CACNG4: variants seen among roughly 807,000 people sequenced by gnomAD.
The protein encoded by CACNG4 is voltage-dependent calcium channel gamma-4 subunit.
In CACNG4, 8 loss-of-function variants were observed where a neutral mutation model predicts 22.9. The observed-to-expected ratio is 0.35, with a 90% CI of 0.21 to 0.63. The LOEUF is 0.63. Among genes scored for constraint, CACNG4 ranks in the 30% least tolerant of loss-of-function variants. CACNG4 has a pLI of 0.72. For synonymous variants in CACNG4, 188 were observed against 191.9 expected (o/e 0.98, Z 0.17); for missense variants, 357 against 455.4 (o/e 0.78, Z 1.97).
chr17:66,996,961 G>T (rs760268127), intron 1 of CACNG4, among the ~76,000 whole-genome samples: 5 of 152,176 alleles, frequency 3.3e-5, no homozygotes, highest in Non-Finnish European at 7.3e-5. Context: ...AACAGCCCAA[G>T]CTAGAAGATG....
rs2035511143 is a variant in CACNG4 at position 67,018,109 on chromosome 17, CAT to C, written c.221-79_221-78del. ...CAGGACCTGCACAGAGGCTCACACACATGGCAACCGTGTCTGGAGTGAACGGA... is the reference window on the plus strand; with the variant it reads ...CAGGACCTGCACAGAGGCTCACACACGGCAACCGTGTCTGGAGTGAACGGA... On this transcript the variant is annotated intron_variant, in intron 1 of 3. Coordinates refer to ENST00000262138, the MANE Select transcript of CACNG4 (RefSeq NM_014405.4). 3 of 1,086,010 alleles carry C rather than the reference CAT, an allele frequency of 2.8e-6. No individual in the cohort carries two copies. In the Admixed American group the frequency reaches 5.2e-5, roughly 19 times the overall value. 67.3% of individuals were successfully genotyped at this position (1,086,010 alleles called of 1,614,324 possible). A position where few individuals can be genotyped will look rare whatever the true frequency, so the allele number is the denominator to read the frequency against.
intron 1 of CACNG4, among the ~76,000 whole-genome samples, chr17:66,978,327 G>T (rs1279017159): frequency 6.6e-6 from 1 of 150,654 alleles, no homozygotes; most frequent in Non-Finnish European, 1.5e-5. Flanking sequence ...GGCATAACAT[G>T]TGTTCAATGC....
At chr17:67,026,381 T>G (rs550255670) in intron 3 of CACNG4, among the ~76,000 whole-genome samples, 1 of 150,430 alleles carries the variant, frequency 6.6e-6, no homozygotes, top group South Asian at 2.1e-4. Flanking sequence ...GAATGTGGTG[T>G]GTGTGTGTAT....
rs182081913 is a variant in CACNG4, at chr17:66,991,148, G to A, written c.220+26017G>A. On this transcript the variant is annotated intron_variant, in intron 1 of 3. Coordinates refer to ENST00000262138, the MANE Select transcript of CACNG4 (RefSeq NM_014405.4). ...CTCCAGCACAGAGGAAAACACAGGT[G>A]GGTGGTGCAGGTGGAAGGCACCTGG... Among the ~76,000 whole-genome samples, 174 of 152,120 alleles carry A rather than the reference G, an allele frequency of 1.1e-3. 1 individual carries two copies. Among genetic ancestry groups the A allele is most frequent in the Middle Eastern group, 6.8e-3 (2 of 294 alleles).
intron 1 of CACNG4, among the ~76,000 whole-genome samples, chr17:66,975,663 G>T (rs1159777684): frequency 6.6e-6 from 1 of 152,066 alleles, no homozygotes; most frequent in Non-Finnish European, 1.5e-5. Flanking sequence ...CCCAAATTTT[G>T]TAAGCTGCCC....
chr17:67,021,136 G>A (rs1201194131), intron 2 of CACNG4, among the ~76,000 whole-genome samples: 1 of 152,114 alleles, frequency 6.6e-6, no homozygotes, highest in Non-Finnish European at 1.5e-5. Flanking sequence ...AGGAAGTTGA[G>A]GCTGCAGTGA....
intron 2 of CACNG4, 29 bp downstream of exon 2, chr17:67,018,301 T>C (rs1489640584): frequency 6.3e-7 from 1 of 1,574,932 alleles, no homozygotes; most frequent in South Asian, 1.1e-5. Context: ...GGACTCTCTT[T>C]CTGTGGGGAG....
At chr17:67,014,918 C>G (rs138867527) in intron 1 of CACNG4, among the ~76,000 whole-genome samples, 44 of 141,386 alleles carry the variant, frequency 3.1e-4, no homozygotes, top group African/African-American at 1.2e-3. Flanking sequence ...GCCTGGGCGA[C>G]AGAGCGAGAC....
At position 66,984,423 on chromosome 17, in the gene CACNG4, A is replaced by G. The variant is rs1598106461; in HGVS notation, c.220+19292A>G. ...GGTCTGGGATGACAAAGACTCACAG[A>G]TGGCCTGCCACCAGCCTGCACCCGC... On this transcript the variant is annotated intron_variant, in intron 1 of 3. Transcript: ENST00000262138. This position sits in a 1 kb window ranked among gnomAD's most constrained non-coding sequence, Gnocchi z 4.0. Among the ~76,000 whole-genome samples, 1 of 152,190 alleles carries G rather than the reference A, an allele frequency of 6.6e-6. No individual in the cohort carries two copies. Among genetic ancestry groups the G allele is most frequent in the African/African-American group, 2.4e-5 (1 of 41,444 alleles).
rs559898261 is a variant in CACNG4, at chr17:66,998,710, G to A, written c.221-19479G>A. Among the ~76,000 whole-genome samples, 114 of 152,312 alleles carry A rather than the reference G, an allele frequency of 7.5e-4. 2 individuals carry two copies. The highest frequency in any genetic ancestry group is 2.3e-3 in the African/African-American group (95 of 41,572). On this transcript the variant is annotated intron_variant, in intron 1 of 3. Coordinates refer to ENST00000262138, the MANE Select transcript of CACNG4 (RefSeq NM_014405.4). ...CCCTGGGCCTTGGGCACGCTCTGGG[G>A]CTGCCCATTCATGCCCTGCCTCTTG...
At position 67,030,854 on chromosome 17, in the gene CACNG4, G is replaced by A. The variant is rs368419631; in HGVS notation, c.834G>A (p.Thr278=). 45 of 1,613,282 alleles carry A rather than the reference G, an allele frequency of 2.8e-5. No individual in the cohort carries two copies. Among genetic ancestry groups the A allele is most frequent in the African/African-American group, 4.0e-5 (3 of 74,912 alleles). The change falls in exon 4 of 4, where the codon ACG becomes ACA. Residue 278 remains threonine, a synonymous_variant. Coordinates refer to ENST00000262138, the MANE Select transcript of CACNG4 (RefSeq NM_014405.4). The surrounding 1 kb of genome is among the most constrained non-coding windows in gnomAD (Gnocchi z 6.4). ...AIPMGELSMY[T]LSREPLKVTT... is the part of the protein sequence containing the mutation. ...CCATGGGGGAGCTGTCCATGTACAC[G>A]CTGTCCAGGGAGCCCCTCAAGGTGA...
rs1470219519 is a variant in CACNG4, at chr17:66,969,173, C to T, written c.220+4042C>T. On this transcript the variant is annotated intron_variant, in intron 1 of 3. Coordinates refer to ENST00000262138, the MANE Select transcript of CACNG4 (RefSeq NM_014405.4). Reference sequence around the variant, plus strand: ...CCAGGGACAGAAGAGCCCGTGTAGACGTGGAAGGGAAGAGGAGACTCTGGG... The same window carrying T: ...CCAGGGACAGAAGAGCCCGTGTAGATGTGGAAGGGAAGAGGAGACTCTGGG... Among the ~76,000 whole-genome samples, 10 of 151,966 alleles carry T rather than the reference C, an allele frequency of 6.6e-5. No individual in the cohort carries two copies. In the South Asian group the frequency reaches 8.3e-4, roughly 13 times the overall value.
At chr17:66,992,099 C>G (rs2035343644) in intron 1 of CACNG4, among the ~76,000 whole-genome samples, 1 of 151,766 alleles carries the variant, frequency 6.6e-6, no homozygotes, top group Non-Finnish European at 1.5e-5. Context: ...GGTTTGTGCC[C>G]AGACTTTGGC....
intron 1 of CACNG4, among the ~76,000 whole-genome samples, chr17:66,999,347 G>A (rs1490817664): frequency 6.6e-6 from 1 of 152,102 alleles, no homozygotes; most frequent in African/African-American, 2.4e-5. Context: ...CCAGGGCACC[G>A]CCCCCACAGA....
chr17:66,994,282 A>G (rs928112797), intron 1 of CACNG4, among the ~76,000 whole-genome samples: 14 of 151,424 alleles, frequency 9.2e-5, no homozygotes, highest in African/African-American at 3.4e-4. Context: ...AGGTATGATC[A>G]AGCCACTGCA....
chr17:66,988,035 T>TTGTGTGTG (rs747107768), intron 1 of CACNG4, among the ~76,000 whole-genome samples: 1 of 149,114 alleles, frequency 6.7e-6, no homozygotes, highest in Admixed American at 6.6e-5. Context: ...TACATCCTTT[T>TTGTGTGTG]TGTGTGTGTG....
At chr17:67,006,761 A>G (rs1176475509) in intron 1 of CACNG4, among the ~76,000 whole-genome samples, 2 of 152,230 alleles carry the variant, frequency 1.3e-5, no homozygotes, top group African/African-American at 2.4e-5. Flanking sequence ...ATCAATGAAT[A>G]CCAAACTAAA....
chr17:67,016,779 A>G (rs1469163290), intron 1 of CACNG4, among the ~76,000 whole-genome samples: 2 of 152,042 alleles, frequency 1.3e-5, no homozygotes, highest in Admixed American at 1.3e-4. Flanking sequence ...CTGGCAACCA[A>G]TGTCCAGTTC....
chr17:66,996,307 C>A (rs1598111861), intron 1 of CACNG4, among the ~76,000 whole-genome samples: 1 of 151,506 alleles, frequency 6.6e-6, no homozygotes, highest in East Asian at 1.9e-4. Context: ...CAGGAGAGAG[C>A]AGTGCCTCCC....
Sources: allele counts gnomAD v4.1 joint callset (sites outside exome capture counted in the v4.1 genomes callset), GRCh38; gene constraint gnomAD v4.1.1; non-coding constraint Gnocchi (gnomAD v3.1); transcripts MANE v1.5; gene names NCBI Gene and HGNC (gene_info 2026-07-23, HGNC 2026-07-21).